GALNT13: variants seen among roughly 807,000 people sequenced by gnomAD.
The protein encoded by GALNT13 is polypeptide N-acetylgalactosaminyltransferase 13.
Under a neutral mutation model 64.2 loss-of-function variants are expected in GALNT13, and 28 were observed. That is an observed-to-expected ratio of 0.44 (90% CI 0.32 to 0.60). The LOEUF is 0.60. Among genes scored for constraint, GALNT13 ranks in the 20% least tolerant of loss-of-function variants. The pLI is 0.05. For missense variants in GALNT13, 577 were observed against 669.8 expected (o/e 0.86, Z 1.53); for synonymous variants, 214 against 224.6 (o/e 0.95, Z 0.42).
intron 9 of GALNT13, among the ~76,000 whole-genome samples, chr2:154,335,664 A>G (rs1695403162): frequency 6.6e-6 from 1 of 152,036 alleles, no homozygotes; most frequent in Admixed American, 6.6e-5. Flanking sequence ...GTTAGAAGTT[A>G]TATTTATGCT....
At chr2:153,194,401 G>A in the GALNT13 span, among the ~76,000 whole-genome samples, 2 of 151,880 alleles carry the variant, frequency 1.3e-5, no homozygotes, top group African/African-American at 4.8e-5. Flanking sequence ...ATTGTAATTT[G>A]TATTTTATTT....
At chr2:153,713,174 C>T in the GALNT13 span, among the ~76,000 whole-genome samples, 1,290 of 152,128 alleles carry the variant, frequency 8.5e-3, 20 homozygotes, top group African/African-American at 0.029. Context: ...GTAATATTGT[C>T]CCTAAAACTA....
chr2:153,137,067 TA>T, the GALNT13 span, among the ~76,000 whole-genome samples: 1 of 151,970 alleles, frequency 6.6e-6, no homozygotes, highest in East Asian at 1.9e-4. Context: ...GAAAAGAATC[TA>T]AAATGGATCT....
chr2:154,353,363 A>G (rs1696522404), intron 9 of GALNT13, among the ~76,000 whole-genome samples: 1 of 152,166 alleles, frequency 6.6e-6, no homozygotes, highest in Non-Finnish European at 1.5e-5. Flanking sequence ...AGATAGTAAA[A>G]TGGTTATTAC....
chr2:153,350,958 C>T, the GALNT13 span, among the ~76,000 whole-genome samples: 1 of 152,000 alleles, frequency 6.6e-6, no homozygotes, highest in African/African-American at 2.4e-5. Flanking sequence ...AAAAGTACTG[C>T]TCCAATTTTG....
intron 4 of GALNT13, 88 bp downstream of exon 4, chr2:154,140,593 A>G (rs1408131677): frequency 3.1e-5 from 28 of 910,214 alleles, no homozygotes; most frequent in Admixed American, 4.8e-5. Flanking sequence ...GATTATATCA[A>G]TTCTAGCAAT....
chr2:153,799,467 G>T, the GALNT13 span, among the ~76,000 whole-genome samples: 7 of 152,094 alleles, frequency 4.6e-5, no homozygotes, highest in Admixed American at 1.3e-4. Flanking sequence ...TGGGAGTAAT[G>T]CAAAGGAATC....
the GALNT13 span, among the ~76,000 whole-genome samples, chr2:153,712,248 T>C: frequency 2.0e-5 from 3 of 152,230 alleles, no homozygotes; most frequent in South Asian, 2.1e-4. Context: ...GTGACAGTTA[T>C]GCTATTAGAT....
chr2:153,245,538 G>C, the GALNT13 span, among the ~76,000 whole-genome samples: 1 of 152,276 alleles, frequency 6.6e-6, no homozygotes, highest in African/African-American at 2.4e-5. Context: ...CTGACCTGAA[G>C]AAAAGGGGCC....
the GALNT13 span, among the ~76,000 whole-genome samples, chr2:153,590,407 A>G: frequency 2.4e-4 from 36 of 152,146 alleles, no homozygotes; most frequent in Non-Finnish European, 4.7e-4. Flanking sequence ...CCAAATATAC[A>G]AAGGAGAACT....
chr2:153,444,300 A>T, the GALNT13 span, among the ~76,000 whole-genome samples: 1 of 152,198 alleles, frequency 6.6e-6, no homozygotes, highest in Non-Finnish European at 1.5e-5. Context: ...GAGTTCTTGT[A>T]CTTTGTTAGT....
the GALNT13 span, among the ~76,000 whole-genome samples, chr2:153,757,523 A>G: frequency 6.6e-6 from 1 of 152,164 alleles, no homozygotes; most frequent in Non-Finnish European, 1.5e-5. Context: ...TAGATATACT[A>G]GTGAAATTGT....
the GALNT13 span, among the ~76,000 whole-genome samples, chr2:153,222,332 T>TGGGGGGGGGGGGGGGGGGGG: frequency 4.8e-5 from 5 of 103,788 alleles, no homozygotes; most frequent in African/African-American, 7.5e-5. Flanking sequence ...GGGGGTGGGG[T>TGGGGGGGGGGGGGGGGGGGG]GGGGGGGGGG....
At chr2:153,523,072 T>G in the GALNT13 span, among the ~76,000 whole-genome samples, 18 of 137,554 alleles carry the variant, frequency 1.3e-4, no homozygotes, top group Admixed American at 2.3e-4. Context: ...TTTTTGCATG[T>G]GGGTGTCCAG....
intron 9 of GALNT13, among the ~76,000 whole-genome samples, chr2:154,374,289 A>C (rs1194901103): frequency 1.3e-5 from 2 of 152,234 alleles, no homozygotes; most frequent in African/African-American, 4.8e-5. Flanking sequence ...AGGAATACTT[A>C]TTAATCTGGA....
chr2:153,813,826 G>C, the GALNT13 span, among the ~76,000 whole-genome samples: 5 of 152,118 alleles, frequency 3.3e-5, no homozygotes, highest in Admixed American at 6.5e-5. Context: ...AATTATATAG[G>C]TTAGGAATTT....
At chr2:153,621,830 C>G in the GALNT13 span, among the ~76,000 whole-genome samples, 5 of 151,982 alleles carry the variant, frequency 3.3e-5, no homozygotes, top group Non-Finnish European at 7.4e-5. Context: ...TGGAGCTCAC[C>G]CTTTAGGTCA....
chr2:153,841,689 T>C, the GALNT13 span, among the ~76,000 whole-genome samples: 2 of 152,176 alleles, frequency 1.3e-5, no homozygotes, highest in Admixed American at 1.3e-4. Context: ...ATATTTATTA[T>C]ACAAAATGTG....
rs1696626708 is a variant in GALNT13 at position 154,354,663 on chromosome 2, T to G, written c.1157-41328T>G. On this transcript the variant is annotated intron_variant, in intron 9 of 12. Coordinates refer to ENST00000392825, the MANE Select transcript of GALNT13 (RefSeq NM_052917.4). ...GAAACTCACTTCTGCAAGCACCGTT[T>G]ATCGAAGAGACCACCCTTTTCCCCA... Among the ~76,000 whole-genome samples the G allele has an allele frequency of 2.0e-5, 3 of 152,114 alleles. No individual in the cohort carries two copies. In the South Asian group the frequency reaches 6.2e-4, roughly 32 times the overall value.
Sources: gnomAD v4.1 joint callset for allele counts (sites outside exome capture counted in the v4.1 genomes callset) on GRCh38, gnomAD v4.1.1 for gene constraint, MANE v1.5 for transcripts, NCBI Gene and HGNC (gene_info 2026-07-23, HGNC 2026-07-21) for gene names.